Variants in CLCA1 observed in about 807,000 individuals in gnomAD.
CLCA1 encodes calcium-activated chloride channel regulator 1.
In CLCA1, 59 loss-of-function variants were observed where a neutral mutation model predicts 85.6. That is an observed-to-expected ratio of 0.69 (90% CI 0.56 to 0.86). The LOEUF is 0.86. Ranked by LOEUF, CLCA1 falls within the 40% of genes least tolerant of loss-of-function variation. The pLI is 0.00. For missense variants in CLCA1, 1,022 were observed against 1,101.4 expected (o/e 0.93, Z 1.02); for synonymous variants, 396 against 398.3 (o/e 0.99, Z 0.07).
At position 86,480,602 on chromosome 1, in the gene CLCA1, G is replaced by A. The variant is rs5744346; in HGVS notation, c.558-1603G>A. 9.1e-3 allele frequency among the ~76,000 whole-genome samples: 1,391 copies of A among 152,170 alleles called. 22 individuals carry two copies. Among genetic ancestry groups the A allele is most frequent in the African/African-American group, 0.032 (1,312 of 41,518 alleles). On this transcript the variant is annotated intron_variant, in intron 4 of 13. Coordinates refer to ENST00000394711, the MANE Select transcript of CLCA1 (RefSeq NM_001285.4). Reference sequence around the variant, plus strand: ...TGATCACACCACTGCATTCTAGCCTGGGCAACAAGAGTAAGACCCTGTCTC... The same window carrying A: ...TGATCACACCACTGCATTCTAGCCTAGGCAACAAGAGTAAGACCCTGTCTC...
chr1:86,476,285 T>C (rs1314330635), intron 3 of CLCA1, among the ~76,000 whole-genome samples, 163 bp from the exon 4 acceptor site: 1 of 152,246 alleles, frequency 6.6e-6, no homozygotes, highest in East Asian at 1.9e-4. Context: ...GTATTTATAT[T>C]TTAAGAAAAC....
Position 86,474,532 on chromosome 1 carries a change from C to G in CLCA1, c.451+656C>G, listed in dbSNP as rs1382064960. On this transcript the variant is annotated intron_variant, in intron 3 of 13. Transcript: ENST00000394711. ...TCGCGCCACTGCACTCCAGCCTGGGCGACAGAGCGAGACTCCGTATCAAAA... is the reference window on the plus strand; with the variant it reads ...TCGCGCCACTGCACTCCAGCCTGGGGGACAGAGCGAGACTCCGTATCAAAA... Among the ~76,000 whole-genome samples, 16 of 145,162 alleles carry G rather than the reference C, an allele frequency of 1.1e-4. 1 individual carries two copies. In the South Asian group the frequency reaches 3.4e-3, roughly 31 times the overall value.
In CLCA1 at chr1:86,498,155, AAAGGAAGG is replaced by A. The variant is rs527701215; in HGVS notation, c.2114-391_2114-384del. Among the ~76,000 whole-genome samples the A allele has an allele frequency of 8.7e-3, 1,098 of 126,018 alleles. 15 individuals carry two copies. The highest frequency in any genetic ancestry group is 0.032 in the African/African-American group (1,040 of 32,790). 82.7% of individuals were successfully genotyped at this position (126,018 alleles called of 152,430 possible). A position where few individuals can be genotyped will look rare whatever the true frequency, so the allele number is the denominator to read the frequency against. ...CTCCATCTCAAAAACAAAAACAAAG[AAAGGAAGG>A]AAGGAAGGAAGGAAGGAAGGAAGGA... On this transcript the variant is annotated intron_variant, in intron 12 of 13. Transcript: ENST00000394711.
rs752244893 is a variant in CLCA1, at chr1:86,498,782, C to T, written c.2324C>T (p.Ala775Val). 1 of 1,614,066 alleles carries T rather than the reference C, an allele frequency of 6.2e-7. No individual in the cohort carries two copies. Among genetic ancestry groups the T allele is most frequent in the Non-Finnish European group, 8.5e-7 (1 of 1,179,996 alleles). ...AGTCTCATTAATCTGACTTGGACAG[C>T]TCCTGGGGATGATTATGACCATGGA... ...GGSLINLTWTAPGDDYDHGTA... is the reference protein window; with the variant it reads ...GGSLINLTWTVPGDDYDHGTA... The change falls in exon 13 of 14, where the codon GCT (alanine) becomes GTT (valine). Residue 775 changes from alanine (A) to valine (V), a missense_variant. Transcript: ENST00000394711.
intron 1 of CLCA1, 26 bp from the exon 2 acceptor site, chr1:86,473,391 T>A: frequency 6.7e-7 from 1 of 1,497,444 alleles, no homozygotes; most frequent in Non-Finnish European, 9.1e-7. Context: ...AGTCAATTGT[T>A]ACGTATGTTT....
intron 9 of CLCA1, 49 bp downstream of exon 9, chr1:86,491,420 C>A: frequency 7.9e-7 from 1 of 1,272,890 alleles, no homozygotes; most frequent in Non-Finnish European, 1.1e-6. Context: ...TAATCATAGC[C>A]AAGATGGAGA....
In CLCA1 at chr1:86,473,466, G is replaced by C. The variant is rs753995315; in HGVS notation, c.212G>C (p.Arg71Pro). ...TATCTGCTTGAAGCTACAGGAAAGC[G>C]ATTTTATTTCAAAAATGTTGCCATT... Reference protein sequence around the residue: ...SLYLLEATGKRFYFKNVAILI... With the variant: ...SLYLLEATGKPFYFKNVAILI... Residue 71 changes from arginine (R) to proline (P), a missense_variant, in exon 2 of 14, where the codon CGA becomes CCA. Coordinates refer to ENST00000394711, the MANE Select transcript of CLCA1 (RefSeq NM_001285.4). 6.2e-7 allele frequency: 1 copy of C among 1,609,718 alleles called. No homozygotes were observed. The highest frequency in any genetic ancestry group is 8.5e-7 in the Non-Finnish European group (1 of 1,176,374).
At chr1:86,497,864 C>G (rs1209282706) in intron 12 of CLCA1, among the ~76,000 whole-genome samples, 1 of 152,002 alleles carries the variant, frequency 6.6e-6, no homozygotes, top group East Asian at 1.9e-4. Context: ...GTCTTTAGGC[C>G]CGGCACAGTG....
intron 4 of CLCA1, among the ~76,000 whole-genome samples, chr1:86,479,757 T>C (rs1570282047): frequency 6.6e-6 from 1 of 151,874 alleles, no homozygotes; most frequent in South Asian, 2.1e-4. Context: ...TGGTGGCGGG[T>C]GCCTGTAGTC....
chr1:86,496,958 G>C (rs997545978), intron 12 of CLCA1, among the ~76,000 whole-genome samples: 5 of 152,178 alleles, frequency 3.3e-5, no homozygotes, highest in African/African-American at 1.2e-4. Flanking sequence ...TCGATCTCTT[G>C]ACCTTGTGAT....
chr1:86,499,717 C>A lies in CLCA1; in HGVS notation c.2417C>A (p.Ser806Tyr). The change falls in exon 14 of 14, where the codon TCT (serine) becomes TAT (tyrosine). Residue 806 changes from serine to tyrosine, a missense_variant. By Grantham distance (144) the Ser-to-Tyr change is moderately radical. Transcript: ENST00000394711. ...ILDLRDKFNE[S>Y]LQVNTTALIP... ...GATCTCAGAGACAAGTTCAATGAAT[C>A]TCTTCAAGTGAATACTACTGCTCTC... 6.2e-7 allele frequency: 1 copy of A among 1,604,172 alleles called. No individual in the cohort carries two copies.
intron 1 of CLCA1, among the ~76,000 whole-genome samples, chr1:86,469,639 A>T (rs1647444478): frequency 6.6e-6 from 1 of 152,156 alleles, no homozygotes; most frequent in Non-Finnish European, 1.5e-5. Context: ...ATCAGTCCCA[A>T]TTCAAGGGAT....
At position 86,494,396 on chromosome 1, in the gene CLCA1, T is replaced by A; in HGVS notation, c.1890T>A (p.Ile630=). 1.2e-6 allele frequency: 2 copies of A among 1,614,198 alleles called. No individual in the cohort carries two copies. Among genetic ancestry groups the A allele is most frequent in the Non-Finnish European group, 1.7e-6 (2 of 1,180,002 alleles). ...TCAGGGCCAGTGTCACAGCCCTGAT[T>A]GAATCAGTGAATGGAAAAACAGTTA... The part of the protein sequence containing the change: ...PILRASVTAL[I]ESVNGKTVTL... Residue 630 remains isoleucine, a synonymous_variant, in exon 11 of 14, where the codon ATT becomes ATA. Coordinates refer to ENST00000394711, the MANE Select transcript of CLCA1 (RefSeq NM_001285.4).
intron 11 of CLCA1, among the ~76,000 whole-genome samples, chr1:86,495,083 C>T (rs552031841): frequency 6.6e-6 from 1 of 151,576 alleles, no homozygotes; most frequent in South Asian, 2.1e-4. Flanking sequence ...AGCAAGTAAC[C>T]TTAATAGAAT....
chr1:86,486,060 GC>G (rs1033944015), intron 6 of CLCA1, among the ~76,000 whole-genome samples: 2 of 151,316 alleles, frequency 1.3e-5, no homozygotes, highest in Admixed American at 1.3e-4. Context: ...TGTGGGAAGA[GC>G]CCCTTAGCCC....
intron 9 of CLCA1, among the ~76,000 whole-genome samples, chr1:86,492,459 G>GA (rs1454544262): frequency 1.3e-5 from 2 of 152,176 alleles, no homozygotes; most frequent in Non-Finnish European, 2.9e-5. Flanking sequence ...ATGGAGAAAT[G>GA]AGCAAGACTC....
Position 86,469,084 on chromosome 1 carries a change from C to G in CLCA1, c.113C>G (p.Ala38Gly), listed in dbSNP as rs753566864. Residue 38 changes from alanine to glycine, a missense_variant, in exon 1 of 14, where the codon GCA becomes GGA. Ala to Gly is a moderately conservative substitution (Grantham distance 60). Transcript: ENST00000394711. ...NNNGYEGIVVAIDPNVPEDET... is the reference protein window; with the variant it reads ...NNNGYEGIVVGIDPNVPEDET... The stretch of plus-strand genomic sequence containing the variant: ...AATGGCTATGAAGGCATTGTCGTTG[C>G]AATCGACCCCAATGTGCCAGAAGAT... 6.2e-7 allele frequency: 1 copy of G among 1,612,168 alleles called. No individual in the cohort carries two copies. Among genetic ancestry groups the G allele is most frequent in the South Asian group, 1.1e-5 (1 of 90,632 alleles).
In CLCA1 at chr1:86,473,563, A is replaced by C. The variant is rs372316922; in HGVS notation, c.303+6A>C. The C allele has an allele frequency of 6.3e-7, 1 of 1,576,704 alleles. No homozygotes were observed. Among genetic ancestry groups the C allele is most frequent in the African/African-American group, 1.4e-5 (1 of 73,376 alleles). The stretch of plus-strand genomic sequence containing the variant: ...AACTTGAGACCTACAAAAATGTGAG[A>C]ATATCAAGTTCTTCTTTAAAATTCC... On this transcript the variant is annotated splice_donor_region_variant and intron_variant, in intron 2 of 13. Coordinates refer to ENST00000394711, the MANE Select transcript of CLCA1 (RefSeq NM_001285.4).
In CLCA1 at chr1:86,469,094, C is replaced by A; in HGVS notation, c.123C>A (p.Pro41=). ...GYEGIVVAID[P]NVPEDETLIQ... ...AAGGCATTGTCGTTGCAATCGACCC[C>A]AATGTGCCAGAAGATGAAACACTCA... Residue 41 remains proline, a synonymous_variant, in exon 1 of 14, where the codon CCC becomes CCA. Coordinates refer to ENST00000394711, the MANE Select transcript of CLCA1 (RefSeq NM_001285.4). 1 of 1,610,578 alleles carries A rather than the reference C, an allele frequency of 6.2e-7. No individual in the cohort carries two copies. The highest frequency in any genetic ancestry group is 1.1e-5 in the South Asian group (1 of 90,218).
Sources: gnomAD v4.1 joint callset for allele counts (sites outside exome capture counted in the v4.1 genomes callset) on GRCh38, gnomAD v4.1.1 for gene constraint, MANE v1.5 for transcripts, NCBI Gene and HGNC (gene_info 2026-07-23, HGNC 2026-07-21) for gene names.